Variants in RYR2 observed in about 807,000 individuals in gnomAD.
The protein encoded by RYR2 is ryanodine receptor 2.
Under a neutral mutation model 601.1 loss-of-function variants are expected in RYR2, and 227 were observed. The observed-to-expected ratio is 0.38, with a 90% CI of 0.34 to 0.42. The LOEUF is 0.42. Ranked by LOEUF, RYR2 falls within the 10% of genes least tolerant of loss-of-function variation. RYR2 has a pLI of 1.00. For missense variants in RYR2, 4,646 were observed against 6,156.5 expected, an observed-to-expected ratio of 0.75 and a Z score of 8.21; for synonymous variants, 2,223 against 2,175.1, an observed-to-expected ratio of 1.02 and a Z score of -0.61.
chr1:237,138,251 T>C (rs1673009352), intron 1 of RYR2, among the ~76,000 whole-genome samples: 1 of 152,302 alleles, frequency 6.6e-6, no homozygotes, highest in South Asian at 2.1e-4. Context: ...CAGGCTGGTC[T>C]TGAACTCCTG....
chr1:237,455,722 C>A (rs1417542808), intron 15 of RYR2, among the ~76,000 whole-genome samples: 1 of 152,138 alleles, frequency 6.6e-6, no homozygotes, highest in Non-Finnish European at 1.5e-5. Flanking sequence ...AGGACGTTCC[C>A]ACTGGGTATT....
intron 2 of RYR2, among the ~76,000 whole-genome samples, chr1:237,303,292 C>CTTTTTTTTTTT (rs386370109): frequency 1.2e-5 from 1 of 85,254 alleles, no homozygotes; most frequent in Non-Finnish European, 2.2e-5. Context: ...CTGCGGTTAT[C>CTTTTTTTTTTT]TTTTTTTTTT....
chr1:237,500,412 A>G (rs1218757211), intron 20 of RYR2, among the ~76,000 whole-genome samples: 1 of 152,222 alleles, frequency 6.6e-6, no homozygotes, highest in African/African-American at 2.4e-5. Context: ...CTTTGACATC[A>G]TTATATAATC....
chr1:237,569,046 T>C (rs2148273914), intron 28 of RYR2, 99 bp from the exon 29 acceptor site: 1 of 1,010,736 alleles, frequency 9.9e-7, no homozygotes, highest in Middle Eastern at 3.2e-4. Flanking sequence ...TACTGTTGTG[T>C]TGATAGAAGG....
rs775902762 is a variant in RYR2 at position 237,649,975 on chromosome 1, C to T, written c.7611C>T (p.Gly2537=). Residue 2537 remains glycine, a synonymous_variant, in exon 50 of 105, where the codon GGC becomes GGT. Transcript: ENST00000366574. Reference sequence around the variant, plus strand: ...CAAGATGTGCTCCTCTCTTTGCTGGCACAGAGCACCACGCTTCTCTCATTG... The same window carrying T: ...CAAGATGTGCTCCTCTCTTTGCTGGTACAGAGCACCACGCTTCTCTCATTG... ...LLTRCAPLFA[G]TEHHASLIDS... 1.2e-6 allele frequency: 2 copies of T among 1,613,878 alleles called. No individual in the cohort carries two copies. Among genetic ancestry groups the T allele is most frequent in the Non-Finnish European group, 1.7e-6 (2 of 1,179,896 alleles).
At chr1:237,155,004 G>A (rs539312246) in intron 1 of RYR2, among the ~76,000 whole-genome samples, 4 of 151,982 alleles carry the variant, frequency 2.6e-5, no homozygotes, top group Non-Finnish European at 4.4e-5. Context: ...GCCACTGGGC[G>A]CCAGTTGCTT....
At chr1:237,791,721 G>T in intron 93 of RYR2, 2 of 574,636 alleles carry the variant, frequency 3.5e-6, no homozygotes, top group Non-Finnish European at 6.1e-6. Flanking sequence ...CAACTGAAGG[G>T]CATTTGATTT....
At chr1:237,126,189 A>T (rs1381549439) in intron 1 of RYR2, among the ~76,000 whole-genome samples, 5 of 151,556 alleles carry the variant, frequency 3.3e-5, no homozygotes, top group Non-Finnish European at 5.9e-5. Context: ...GTGAGCCGAG[A>T]TCATGCCACT....
intron 1 of RYR2, among the ~76,000 whole-genome samples, chr1:237,265,285 A>G (rs1688945728): frequency 6.6e-6 from 1 of 152,138 alleles, no homozygotes; most frequent in Non-Finnish European, 1.5e-5. Flanking sequence ...GTGCCAGACC[A>G]TGCAGTGCAG....
At chr1:237,788,729 T>C (rs1657962478) in intron 92 of RYR2, among the ~76,000 whole-genome samples, 1 of 152,216 alleles carries the variant, frequency 6.6e-6, no homozygotes, top group African/African-American at 2.4e-5. Flanking sequence ...TACAGTTCTT[T>C]ATATACTGTC....
chr1:237,496,398 ACT>A (rs1572594952), intron 19 of RYR2, 111 bp from the exon 20 acceptor site: 3 of 1,415,174 alleles, frequency 2.1e-6, no homozygotes, highest in Non-Finnish European at 2.9e-6. Context: ...ACAGAGCAAG[ACT>A]CTGTCTCAAT....
intron 1 of RYR2, among the ~76,000 whole-genome samples, chr1:237,268,362 A>G (rs949045371): frequency 6.6e-6 from 1 of 152,194 alleles, no homozygotes; most frequent in Non-Finnish European, 1.5e-5. Context: ...TTACACCACA[A>G]TATAGCTTTG....
intron 1 of RYR2, among the ~76,000 whole-genome samples, chr1:237,098,387 A>G (rs9428659): frequency 0.18 from 8,287 of 47,268 alleles, 318 homozygotes; most frequent in Non-Finnish European, 0.33. Context: ...CATTGTGTGT[A>G]TGTGTGTGTG....
intron 2 of RYR2, among the ~76,000 whole-genome samples, chr1:237,316,254 A>G (rs570019248): frequency 1.3e-3 from 195 of 152,316 alleles, no homozygotes; most frequent in African/African-American, 4.5e-3. Flanking sequence ...TGATGCTTTA[A>G]TTAAAAATAT....
intron 76 of RYR2, among the ~76,000 whole-genome samples, chr1:237,729,737 T>C (rs1690513419): frequency 6.6e-6 from 1 of 152,166 alleles, no homozygotes; most frequent in Admixed American, 6.6e-5. Flanking sequence ...AGTGCAGGGT[T>C]TAATCTTTGA....
In RYR2 at chr1:237,746,311, T is replaced by A. The variant is rs1338349857; in HGVS notation, c.11145+3962T>A. On this transcript the variant is annotated intron_variant, in intron 80 of 104. Coordinates refer to ENST00000366574, the MANE Select transcript of RYR2 (RefSeq NM_001035.3). ...GGAAATAACATAAAGTGTGTGGTAA[T>A]TGAATTCTATCCCTATACCTGGTTA... Among the ~76,000 whole-genome samples, 3 of 152,210 alleles carry A rather than the reference T, an allele frequency of 2.0e-5. No homozygotes were observed. In the East Asian group the frequency reaches 5.8e-4, roughly 29 times the overall value.
chr1:237,057,134 G>A (rs1428077201), intron 1 of RYR2, among the ~76,000 whole-genome samples: 4 of 152,174 alleles, frequency 2.6e-5, no homozygotes, highest in Non-Finnish European at 5.9e-5. Context: ...CAGATGATCT[G>A]GGAGGAGCAT....
intron 10 of RYR2, among the ~76,000 whole-genome samples, chr1:237,390,366 G>C (rs1702277872): frequency 6.6e-6 from 1 of 152,126 alleles, no homozygotes; most frequent in Non-Finnish European, 1.5e-5. Context: ...ACTCATGTAG[G>C]TGACATAGTT....
chr1:237,546,092 C>T (rs1304556807), intron 25 of RYR2, among the ~76,000 whole-genome samples: 1 of 151,436 alleles, frequency 6.6e-6, no homozygotes, highest in Non-Finnish European at 1.5e-5. Context: ...ATTTAAATGT[C>T]AGAAGTCTGT....
Sources: gnomAD v4.1 joint callset for allele counts (sites outside exome capture counted in the v4.1 genomes callset) on GRCh38, gnomAD v4.1.1 for gene constraint, MANE v1.5 for transcripts, NCBI Gene and HGNC (gene_info 2026-07-23, HGNC 2026-07-21) for gene names.